TMEM223: variants seen among roughly 807,000 people sequenced by gnomAD.
TMEM223 encodes the protein transmembrane protein 223.
TMEM223 carries 14 observed loss-of-function variants against 14.1 expected under a neutral mutation model. That is an observed-to-expected ratio of 0.99 (90% CI 0.66 to 1.55). TMEM223 has a LOEUF of 1.55. TMEM223 is among the 40% of genes most tolerant of loss of function. TMEM223 has a pLI of 0.00. For synonymous variants in TMEM223, 145 were observed against 120.5 expected (o/e 1.20, Z -1.33); for missense variants, 346 against 269.9 (o/e 1.28, Z -1.97).
At chr11:62,772,050 C>T in exon 3 of TMEM223, 1 of 455,430 alleles carries the variant, frequency 2.2e-6, no homozygotes. Context: ...AGTCCTTGCT[C>T]CCCCTCCCTA....
downstream of TMEM223, chr11:62,789,615 A>C: frequency 6.5e-7 from 1 of 1,546,964 alleles, no homozygotes; most frequent in Non-Finnish European, 8.7e-7. Flanking sequence ...TCTGAAGCCC[A>C]GAAAATTCCA....
intron 1 of TMEM223, among the ~76,000 whole-genome samples, chr11:62,777,275 C>T (rs147565978): frequency 7.5e-4 from 114 of 151,978 alleles, no homozygotes; most frequent in African/African-American, 2.5e-3. Context: ...TGCAGTGAGC[C>T]GAGATCACGC....
At chr11:62,782,510 A>G (rs527818580), downstream of TMEM223, 64 of 1,057,090 alleles carry the variant, frequency 6.1e-5, no homozygotes, top group Non-Finnish European at 7.6e-5. Context: ...TGGATTACAA[A>G]TACGCCAAGG....
chr11:62,788,567 G>T (rs957675129), downstream of TMEM223, among the ~76,000 whole-genome samples: 95 of 152,068 alleles, frequency 6.2e-4, no homozygotes, highest in Middle Eastern at 6.8e-3. Context: ...AGCCAGGCAT[G>T]GTGGCGGGTG....
chr11:62,772,666 C>T (rs1170420069), intron 2 of TMEM223, among the ~76,000 whole-genome samples: 1 of 151,430 alleles, frequency 6.6e-6, no homozygotes, highest in Non-Finnish European at 1.5e-5. Flanking sequence ...TCCATCCCTA[C>T]TAAAAATACA....
downstream of TMEM223, chr11:62,789,398 TC>T: frequency 6.2e-7 from 1 of 1,613,912 alleles, no homozygotes; most frequent in Non-Finnish European, 8.5e-7. Context: ...TCTCTGCAAC[TC>T]CATCATCTCC....
Position 62,790,832 on chromosome 11 carries a change from T to C in TMEM223, c.400A>G (p.Thr134Ala), listed in dbSNP as rs747201757. ...VVLRAGGQQV[T>A]LTTHAPFGLG... is the part of the protein sequence containing the mutation. Reference sequence around the variant, plus strand: ...CCAAAGGGGGCATGAGTGGTGAGGGTCACCTGCTGCCCTCCAGCTCGAAGC... The same window carrying C: ...CCAAAGGGGGCATGAGTGGTGAGGGCCACCTGCTGCCCTCCAGCTCGAAGC... The change falls in exon 2 of 2, where the codon ACC (threonine) becomes GCC (alanine). Residue 134 changes from threonine to alanine, a missense_variant. Coordinates refer to ENST00000307366, the MANE Select transcript of TMEM223 (RefSeq NM_001080501.3). 4 of 1,604,916 alleles carry C rather than the reference T, an allele frequency of 2.5e-6. No homozygotes were observed. The South Asian group carries it at 4.5e-5, about 18-fold the overall frequency.
chr11:62,790,410 T>C lies in TMEM223; in HGVS notation c.*213A>G. ...TGACCTCCTTGTGTGACCCTGGTTG[T>C]TACTCCATTCTAAGATTGGCGTTTT... On this transcript the variant is annotated 3_prime_UTR_variant, in exon 2 of 2. Transcript: ENST00000307366. The C allele has an allele frequency of 3.4e-6, 2 of 583,078 alleles. No individual in the cohort carries two copies. Among genetic ancestry groups the C allele is most frequent in the East Asian group, 5.8e-5 (2 of 34,312 alleles). 36.1% of individuals were successfully genotyped at this position (583,078 alleles called of 1,614,324 possible).
At chr11:62,787,397 C>A (rs750568515), downstream of TMEM223, 2 of 1,556,502 alleles carry the variant, frequency 1.3e-6, no homozygotes, top group Non-Finnish European at 1.7e-6. Flanking sequence ...GGGCGGGGTG[C>A]TGCTGCAGCG....
rs868467951 is a variant in TMEM223 at position 62,781,547 on chromosome 11, G to A, written c.315-6882C>T. ...AAATTAGCCGGGTGTGGTGGCAGGC[G>A]CCTGTAGTCCCAGCTACTCGGGAGG... On this transcript the variant is annotated intron_variant, in intron 1 of 2. Coordinates refer to the TMEM223 transcript ENST00000528367. 1.6e-4 allele frequency among the ~76,000 whole-genome samples: 24 copies of A among 151,756 alleles called. No individual in the cohort carries two copies. In the Middle Eastern group the frequency reaches 0.014, roughly 86 times the overall value.
intron 1 of TMEM223, chr11:62,781,866 C>T (rs1325680898): frequency 1.2e-6 from 2 of 1,604,840 alleles, no homozygotes; most frequent in Admixed American, 3.3e-5. Flanking sequence ...TCTGGTGGAT[C>T]CAATGCAGTC....
At chr11:62,787,298 T>G, downstream of TMEM223, 1 of 1,536,126 alleles carries the variant, frequency 6.5e-7, no homozygotes, top group Non-Finnish European at 8.7e-7. Flanking sequence ...CCGCTCTGAG[T>G]CAGTGGCCCC....
chr11:62,779,719 G>A (rs1275097843), intron 1 of TMEM223, among the ~76,000 whole-genome samples: 1 of 151,472 alleles, frequency 6.6e-6, no homozygotes, highest in African/African-American at 2.4e-5. Flanking sequence ...AGGCCGGAGT[G>A]CAGTGGTGTG....
At chr11:62,789,915 G>T (rs771924332), downstream of TMEM223, 4 of 1,613,982 alleles carry the variant, frequency 2.5e-6, no homozygotes, top group Admixed American at 5.0e-5. Context: ...TGGTATTGTG[G>T]TGTGTGGTCT....
intron 1 of TMEM223, chr11:62,779,019 G>GTTTTT: frequency 4.5e-5 from 42 of 932,408 alleles, no homozygotes; most frequent in Middle Eastern, 2.4e-4. Context: ...TTCTAGACCT[G>GTTTTT]TTTTTTTTTT....
chr11:62,775,519 G>C, intron 1 of TMEM223: 1 of 409,046 alleles, frequency 2.4e-6, no homozygotes, highest in Admixed American at 4.1e-5. Context: ...CACATAGAAG[G>C]TGACAGGGCA....
At position 62,778,776 on chromosome 11, in the gene TMEM223, G is replaced by T. The variant is rs987689368; in HGVS notation, c.315-4111C>A. 1.3e-5 allele frequency: 14 copies of T among 1,048,364 alleles called. No homozygotes were observed. In the African/African-American group the frequency reaches 2.0e-4, roughly 15 times the overall value. The allele number at this position is 1,048,364 out of a possible 1,614,324, so 64.9% of individuals were successfully genotyped here. On this transcript the variant is annotated intron_variant, in intron 1 of 2. Coordinates refer to the TMEM223 transcript ENST00000528367. Reference sequence around the variant, plus strand: ...TGTCAGAAAGGCTTCTTGTGGATGTGTGTGGGGATGGTGGTTGAGGGGGAG... The same window carrying T: ...TGTCAGAAAGGCTTCTTGTGGATGTTTGTGGGGATGGTGGTTGAGGGGGAG...
downstream of TMEM223, among the ~76,000 whole-genome samples, chr11:62,783,469 G>A (rs1286118479): frequency 1.3e-5 from 2 of 149,294 alleles, no homozygotes; most frequent in African/African-American, 4.9e-5. Flanking sequence ...GCGACAGAGC[G>A]AGACTCTGTC....
intron 1 of TMEM223, chr11:62,782,425 T>G: frequency 7.3e-7 from 1 of 1,377,416 alleles, no homozygotes; most frequent in Non-Finnish European, 9.9e-7. Flanking sequence ...GCTTTGAGAG[T>G]CTATGAGAAG....
Sources: gnomAD v4.1 joint callset for allele counts (sites outside exome capture counted in the v4.1 genomes callset) on GRCh38, gnomAD v4.1.1 for gene constraint, MANE v1.5 for transcripts, NCBI Gene and HGNC (gene_info 2026-07-23, HGNC 2026-07-21) for gene names.